GRIA2: variants seen among roughly 807,000 people sequenced by gnomAD.
GRIA2 encodes glutamate ionotropic receptor AMPA type subunit 2, also known as glutamate receptor 2.
In GRIA2, 14 loss-of-function variants were observed where a neutral mutation model predicts 97.3. That is an observed-to-expected ratio of 0.14 (90% CI 0.10 to 0.23). GRIA2 has a LOEUF of 0.23. Among genes scored for constraint, GRIA2 ranks in the 10% least tolerant of loss-of-function variants. The pLI, the probability that GRIA2 is intolerant of heterozygous loss-of-function variation, is 1.00. For synonymous variants in GRIA2, 412 were observed against 387.8 expected (o/e 1.06, Z -0.73); for missense variants, 558 against 1,069.8 (o/e 0.52, Z 6.67).
intron 12 of GRIA2, among the ~76,000 whole-genome samples, chr4:157,357,995 A>G (rs2126994319): frequency 6.6e-6 from 1 of 152,240 alleles, no homozygotes; most frequent in South Asian, 2.1e-4. Context: ...AAAAATTGAC[A>G]TTTAATGGAT....
chr4:157,302,994 G>A (rs1043214816), intron 2 of GRIA2, among the ~76,000 whole-genome samples: 7 of 152,136 alleles, frequency 4.6e-5, no homozygotes, highest in African/African-American at 1.2e-4. Flanking sequence ...ATTGCTTCTC[G>A]ACTGAGTGAC....
intron 2 of GRIA2, among the ~76,000 whole-genome samples, chr4:157,235,869 T>C (rs1452350843): frequency 6.6e-6 from 1 of 152,186 alleles, no homozygotes; most frequent in East Asian, 1.9e-4. Context: ...TATTTTAGGT[T>C]GTTACTGAAG....
rs1378345287 is a variant in GRIA2 at position 157,361,711 on chromosome 4, A to G, written c.2406+587A>G. 1 of 1,178,132 alleles carries G rather than the reference A, an allele frequency of 8.5e-7. No individual in the cohort carries two copies. The highest frequency in any genetic ancestry group is 1.5e-5 in the African/African-American group (1 of 66,176). 73.0% of individuals were successfully genotyped at this position (1,178,132 alleles called of 1,614,324 possible). On this transcript the variant is annotated intron_variant, in intron 14 of 15. Transcript: ENST00000264426. The surrounding 1 kb of genome is among the most constrained non-coding windows in gnomAD (Gnocchi z 5.2). ...AATCAAACACAAACAGCAAAATCAA[A>G]CCACAAGTGTGTTAGTGGGAATGAC...
chr4:157,363,322 A>G (rs1736719635), intron 15 of GRIA2, 113 bp from the exon 16 acceptor site: 2 of 644,124 alleles, frequency 3.1e-6, no homozygotes, highest in South Asian at 6.9e-5. Context: ...ATTTGCTAGA[A>G]GCTTTCAGAT....
chr4:157,356,258 T>C (rs1354089649), intron 12 of GRIA2, among the ~76,000 whole-genome samples: 2 of 146,910 alleles, frequency 1.4e-5, no homozygotes, highest in Non-Finnish European at 3.0e-5. Context: ...AGCATGTAGA[T>C]TTGCGAAAGA....
rs903047772 is a variant in GRIA2 at position 157,226,328 on chromosome 4, A to T, written c.229+4521A>T. Among the ~76,000 whole-genome samples, 68 of 152,078 alleles carry T rather than the reference A, an allele frequency of 4.5e-4. 3 individuals are homozygous for T. Among genetic ancestry groups the T allele is most frequent in the Non-Finnish European group, 1.2e-4 (8 of 67,910 alleles). On this transcript the variant is annotated intron_variant, in intron 2 of 15. Coordinates refer to ENST00000264426, the MANE Select transcript of GRIA2 (RefSeq NM_001083619.3). ...ACATTGTAAAGAAATTTATTTAGATAAATTGAAAAAAATAAATGACATCTA... is the reference window on the plus strand; with the variant it reads ...ACATTGTAAAGAAATTTATTTAGATTAATTGAAAAAAATAAATGACATCTA...
At chr4:157,280,721 C>A (rs1473286211) in intron 2 of GRIA2, among the ~76,000 whole-genome samples, 4 of 151,898 alleles carry the variant, frequency 2.6e-5, no homozygotes, top group Non-Finnish European at 4.4e-5. Flanking sequence ...CCCCAGTGCA[C>A]AAGTGCTTAT....
At chr4:157,223,176 C>G (rs1287797976) in intron 2 of GRIA2, among the ~76,000 whole-genome samples, 1 of 152,130 alleles carries the variant, frequency 6.6e-6, no homozygotes, top group African/African-American at 2.4e-5. Flanking sequence ...CGTGATTTAG[C>G]TTGATTATCA....
intron 4 of GRIA2, among the ~76,000 whole-genome samples, chr4:157,315,228 A>C (rs1734257956): frequency 6.6e-6 from 1 of 152,328 alleles, no homozygotes; most frequent in South Asian, 2.1e-4. Flanking sequence ...ATGTATTTAC[A>C]GAAATTAATA....
chr4:157,238,990 T>C (rs1436527930), intron 2 of GRIA2, among the ~76,000 whole-genome samples: 1 of 152,186 alleles, frequency 6.6e-6, no homozygotes, highest in East Asian at 1.9e-4. Flanking sequence ...TTTGCCCAAT[T>C]TTTATTGTCA....
chr4:157,351,605 C>G (rs535926414), intron 12 of GRIA2, among the ~76,000 whole-genome samples: 8 of 152,256 alleles, frequency 5.3e-5, no homozygotes, highest in African/African-American at 1.9e-4. Context: ...ATATGGCTAG[C>G]CTTTGGGTCA....
chr4:157,276,651 T>C (rs1732329809), intron 2 of GRIA2, among the ~76,000 whole-genome samples: 1 of 150,456 alleles, frequency 6.6e-6, no homozygotes, highest in Admixed American at 6.6e-5. Context: ...ACAGGTTAAC[T>C]GAGAAAAAAA....
chr4:157,236,809 T>A (rs1730269482), intron 2 of GRIA2, among the ~76,000 whole-genome samples: 1 of 152,176 alleles, frequency 6.6e-6, no homozygotes, highest in African/African-American at 2.4e-5. Flanking sequence ...TGTTCATTCC[T>A]TTGCCCGATT....
At chr4:157,360,240 T>G in intron 13 of GRIA2, 97 bp downstream of exon 13, 1 of 1,246,950 alleles carries the variant, frequency 8.0e-7, no homozygotes, top group South Asian at 1.5e-5. Context: ...TATACGGATA[T>G]GAGGTAACTC....
At chr4:157,241,318 T>C (rs1364060060) in intron 2 of GRIA2, among the ~76,000 whole-genome samples, 1 of 152,104 alleles carries the variant, frequency 6.6e-6, no homozygotes, top group Non-Finnish European at 1.5e-5. Context: ...CATTTATTAT[T>C]TGCTTTTTGG....
At chr4:157,359,833 G>A in intron 12 of GRIA2, 63 bp from the exon 13 acceptor site, 2 of 1,459,216 alleles carry the variant, frequency 1.4e-6, no homozygotes, top group East Asian at 4.6e-5. Flanking sequence ...CTCTTTTTGT[G>A]TTTTGTGAGT....
chr4:157,356,139 ATATTTATATT>A (rs1459216367), intron 12 of GRIA2, among the ~76,000 whole-genome samples: 3 of 127,670 alleles, frequency 2.3e-5, no homozygotes, highest in East Asian at 4.3e-4. Context: ...ATATATTTAT[ATATTTATATT>A]TATTTATTTA....
intron 2 of GRIA2, among the ~76,000 whole-genome samples, chr4:157,238,395 A>G (rs1342151765): frequency 6.6e-6 from 1 of 152,162 alleles, no homozygotes; most frequent in African/African-American, 2.4e-5. Context: ...TTGGCTTTCC[A>G]TGAGCATTAA....
chr4:157,327,843 A>C (rs1409607964), intron 6 of GRIA2, among the ~76,000 whole-genome samples: 1 of 152,116 alleles, frequency 6.6e-6, no homozygotes, highest in Non-Finnish European at 1.5e-5. Context: ...GATCTGCCTG[A>C]AAATAGTATA....
Sources: gnomAD v4.1 joint callset for allele counts (sites outside exome capture counted in the v4.1 genomes callset) on GRCh38, gnomAD v4.1.1 for gene constraint, Gnocchi (gnomAD v3.1) non-coding constraint, MANE v1.5 for transcripts, NCBI Gene and HGNC (gene_info 2026-07-23, HGNC 2026-07-21) for gene names.